PRKCE: variants seen among roughly 807,000 people sequenced by gnomAD.
PRKCE encodes the protein protein kinase C epsilon.
PRKCE carries 16 observed loss-of-function variants against 85.4 expected under a neutral mutation model. The observed-to-expected ratio is 0.19, with a 90% CI of 0.13 to 0.28. The LOEUF (loss-of-function observed/expected upper bound fraction) is 0.28. Ranked by LOEUF, PRKCE falls within the 10% of genes least tolerant of loss-of-function variation. The pLI, the probability that PRKCE is intolerant of heterozygous loss-of-function variation, is 1.00. For synonymous variants in PRKCE, 388 were observed against 371.5 expected (o/e 1.04, Z -0.51); for missense variants, 573 against 975.2 (o/e 0.59, Z 5.49).
At chr2:45,816,583 TCTTTC>T (rs1158834589) in intron 1 of PRKCE, among the ~76,000 whole-genome samples, 1 of 152,228 alleles carries the variant, frequency 6.6e-6, no homozygotes, top group Non-Finnish European at 1.5e-5. Flanking sequence ...TGTTTTGTTT[TCTTTC>T]CTTAGCCTTA....
intron 6 of PRKCE, among the ~76,000 whole-genome samples, chr2:45,985,695 G>A (rs948164174): frequency 3.3e-5 from 5 of 152,178 alleles, no homozygotes; most frequent in African/African-American, 1.2e-4. Flanking sequence ...ATATCAAGGA[G>A]GAATGATTTA....
chr2:46,079,685 G>T (rs1322424680), intron 10 of PRKCE, among the ~76,000 whole-genome samples: 1 of 152,186 alleles, frequency 6.6e-6, no homozygotes, highest in Non-Finnish European at 1.5e-5. Context: ...TAAAATCTTT[G>T]CACGTATAAA....
At chr2:45,954,682 G>C (rs549989339) in intron 2 of PRKCE, among the ~76,000 whole-genome samples, 1 of 152,322 alleles carries the variant, frequency 6.6e-6, no homozygotes, top group East Asian at 1.9e-4. Context: ...ATTTCAATGT[G>C]CTATCATGAA....
chr2:45,989,362 C>G (rs1463043301), intron 6 of PRKCE, among the ~76,000 whole-genome samples: 2 of 152,174 alleles, frequency 1.3e-5, no homozygotes, highest in East Asian at 3.8e-4. Flanking sequence ...CAGGGTGTCC[C>G]CTCCTCTCCA....
intron 2 of PRKCE, among the ~76,000 whole-genome samples, chr2:45,924,234 T>C (rs990119132): frequency 1.3e-5 from 2 of 152,210 alleles, no homozygotes; most frequent in African/African-American, 4.8e-5. Context: ...GAGTAATTTG[T>C]TTTTTGATCT....
intron 12 of PRKCE, among the ~76,000 whole-genome samples, chr2:46,146,734 T>A (rs1574595112): frequency 1.3e-5 from 2 of 152,260 alleles, no homozygotes; most frequent in South Asian, 2.1e-4. Context: ...CAAATCAGGA[T>A]CTTAGAAAGG....
chr2:45,738,615 C>G (rs555618345), intron 1 of PRKCE, among the ~76,000 whole-genome samples: 75 of 152,228 alleles, frequency 4.9e-4, no homozygotes, highest in African/African-American at 1.8e-3. Flanking sequence ...GTACGTTGTT[C>G]TCAGTATTGG....
At chr2:45,802,865 TA>T (rs1238701027) in intron 1 of PRKCE, among the ~76,000 whole-genome samples, 2 of 152,228 alleles carry the variant, frequency 1.3e-5, no homozygotes, top group Non-Finnish European at 1.5e-5. Flanking sequence ...TAAGATTTTC[TA>T]GGACCATCTT....
At chr2:45,810,778 A>G (rs1368464525) in intron 1 of PRKCE, among the ~76,000 whole-genome samples, 1 of 152,160 alleles carries the variant, frequency 6.6e-6, no homozygotes, top group Non-Finnish European at 1.5e-5. Context: ...TAGAGACAAA[A>G]TCTAACTTTG....
At chr2:46,105,920 G>A (rs1671671739) in intron 11 of PRKCE, among the ~76,000 whole-genome samples, 1 of 152,184 alleles carries the variant, frequency 6.6e-6, no homozygotes. Context: ...TATGGTTGGT[G>A]TTTGCATAAG....
intron 2 of PRKCE, among the ~76,000 whole-genome samples, chr2:45,949,782 T>G (rs1341162681): frequency 6.6e-6 from 1 of 152,178 alleles, no homozygotes. Flanking sequence ...CTCCTGTTTC[T>G]CATCTCTGTT....
intron 11 of PRKCE, 134 bp downstream of exon 11, chr2:46,086,496 T>G: frequency 9.0e-7 from 1 of 1,112,492 alleles, no homozygotes; most frequent in Non-Finnish European, 1.2e-6. Context: ...TCCAATTTGC[T>G]TACAGAAGAC....
intron 1 of PRKCE, among the ~76,000 whole-genome samples, chr2:45,787,816 C>T (rs1686726291): frequency 6.6e-6 from 1 of 152,160 alleles, no homozygotes; most frequent in African/African-American, 2.4e-5. Context: ...TGTATGACCT[C>T]AAGGGATGAA....
At chr2:45,775,356 C>T (rs1398090401) in intron 1 of PRKCE, among the ~76,000 whole-genome samples, 4 of 152,196 alleles carry the variant, frequency 2.6e-5, no homozygotes, top group Non-Finnish European at 5.9e-5. Flanking sequence ...GGACTCCACG[C>T]AGTCCGCCCG....
intron 1 of PRKCE, among the ~76,000 whole-genome samples, chr2:45,692,569 C>T (rs1013261156): frequency 6.6e-6 from 1 of 152,164 alleles, no homozygotes; most frequent in African/African-American, 2.4e-5. Flanking sequence ...CTTCTACATA[C>T]ATTTTTAGGG....
At chr2:45,794,094 C>G (rs1156582104) in intron 1 of PRKCE, among the ~76,000 whole-genome samples, 1 of 152,138 alleles carries the variant, frequency 6.6e-6, no homozygotes, top group Non-Finnish European at 1.5e-5. Context: ...AGCAGGGAGA[C>G]GCAGATGTTT....
intron 6 of PRKCE, among the ~76,000 whole-genome samples, chr2:45,995,384 A>G (rs2595216): frequency 2.2e-4 from 34 of 152,070 alleles, no homozygotes; most frequent in African/African-American, 8.2e-4. Context: ...TTCATGGATC[A>G]TGTCCATGCA....
intron 2 of PRKCE, among the ~76,000 whole-genome samples, chr2:45,947,190 C>G (rs750559804): frequency 6.6e-6 from 1 of 152,208 alleles, no homozygotes; most frequent in Non-Finnish European, 1.5e-5. Flanking sequence ...ACCTTAATCA[C>G]TATGCTGAGT....
intron 11 of PRKCE, among the ~76,000 whole-genome samples, chr2:46,112,254 TC>T (rs1672328203): frequency 6.6e-6 from 1 of 152,210 alleles, no homozygotes; most frequent in African/African-American, 2.4e-5. Flanking sequence ...TCTTTCTCTA[TC>T]CCTTTACTTT....
Sources: allele counts gnomAD v4.1 joint callset (sites outside exome capture counted in the v4.1 genomes callset), GRCh38; gene constraint gnomAD v4.1.1; transcripts MANE v1.5; gene names NCBI Gene and HGNC (gene_info 2026-07-23, HGNC 2026-07-21).